Variants in GRIK5 observed in about 807,000 individuals in gnomAD.
The protein encoded by GRIK5 is glutamate receptor ionotropic, kainate 5.
GRIK5 carries 43 observed loss-of-function variants against 97.4 expected under a neutral mutation model. That is an observed-to-expected ratio of 0.44 (90% CI 0.35 to 0.57). GRIK5 has a LOEUF of 0.57. Among genes scored for constraint, GRIK5 ranks in the 20% least tolerant of loss-of-function variants. GRIK5 has a pLI of 0.01. For synonymous variants in GRIK5, 580 were observed against 583.5 expected, an observed-to-expected ratio of 0.99 and a Z score of 0.09; for missense variants, 1,015 against 1,382.0, an observed-to-expected ratio of 0.73 and a Z score of 4.21.
At chr19:42,008,386 G>C (rs2075519727) in intron 15 of GRIK5, among the ~76,000 whole-genome samples, 1 of 152,140 alleles carries the variant, frequency 6.6e-6, no homozygotes, top group Non-Finnish European at 1.5e-5. Context: ...CAGCATTTTA[G>C]GAGGCTGAGG....
intron 12 of GRIK5, among the ~76,000 whole-genome samples, chr19:42,028,423 C>T (rs555241218): frequency 1.3e-5 from 2 of 152,306 alleles, no homozygotes; most frequent in South Asian, 2.1e-4. Context: ...GGGGCGCTAG[C>T]GGGAGGTTGC....
At chr19:42,012,257 T>TG (rs1198110450) in intron 15 of GRIK5, among the ~76,000 whole-genome samples, 20 of 152,014 alleles carry the variant, frequency 1.3e-4, no homozygotes, top group Admixed American at 4.6e-4. Context: ...TATGTATGTA[T>TG]TTATTTATTT....
Position 41,998,760 on chromosome 19 carries a change from G to T in GRIK5, c.*111C>A. 1 of 465,008 alleles carries T rather than the reference G, an allele frequency of 2.2e-6. No individual in the cohort carries two copies. The highest frequency in any genetic ancestry group is 2.9e-6 in the Non-Finnish European group (1 of 342,980). 28.8% of individuals were successfully genotyped at this position (465,008 alleles called of 1,614,324 possible). ...AAGGCAAAATCGCGGCGTCCGGGGC[G>T]CCGGCGCACAAGTCCTGTCCCGCGC... is the stretch of plus-strand genomic sequence containing the variant. On this transcript the variant is annotated 3_prime_UTR_variant, in exon 20 of 20. Transcript: ENST00000593562.
At chr19:42,060,412 T>TA (rs2076243595) in intron 5 of GRIK5, among the ~76,000 whole-genome samples, 2 of 151,990 alleles carry the variant, frequency 1.3e-5, no homozygotes, top group Admixed American at 1.3e-4. Context: ...AGTTCTATGT[T>TA]AAAGCAGAAA....
At position 41,999,004 on chromosome 19, in the gene GRIK5, C is replaced by A; in HGVS notation, c.2810G>T (p.Arg937Leu). 8.3e-7 allele frequency: 1 copy of A among 1,208,854 alleles called. No homozygotes were observed. Among genetic ancestry groups the A allele is most frequent in the Non-Finnish European group, 1.0e-6 (1 of 968,006 alleles). The allele number at this position is 1,208,854 out of a possible 1,614,324, so 74.9% of individuals were successfully genotyped here. A position where few individuals can be genotyped will look rare whatever the true frequency, so the allele number is the denominator to read the frequency against. ...CTHVRVCQEC[R>L]RIQALRASGA... ...CGAGGCCCGCAGCGCCTGGATGCGC[C>A]GGCACTCCTGGCAGACGCGCACGTG... is the stretch of plus-strand genomic sequence containing the variant. Residue 937 changes from arginine to leucine, a missense_variant, in exon 20 of 20, where the codon CGG becomes CTG. Arg to Leu is a moderately radical substitution (Grantham distance 102, BLOSUM62 -2). Coordinates refer to ENST00000593562, the MANE Select transcript of GRIK5 (RefSeq NM_002088.5). This position sits in a 1 kb window ranked among gnomAD's most constrained non-coding sequence, Gnocchi z 5.0.
Position 42,066,032 on chromosome 19 carries a change from A to C in GRIK5, c.-50-212T>G, listed in dbSNP as rs13347017. ...GCTCAGAGGGGCACTACCAGGGTGG[A>C]GGTCACAGTGCTCAGGCGCTGAGTA... On this transcript the variant is annotated intron_variant, in intron 1 of 19. Coordinates refer to ENST00000593562, the MANE Select transcript of GRIK5 (RefSeq NM_002088.5). 5.6e-3 allele frequency among the ~76,000 whole-genome samples: 858 copies of C among 152,254 alleles called. 14 individuals carry two copies. Among genetic ancestry groups the C allele is most frequent in the African/African-American group, 0.02 (818 of 41,520 alleles).
intron 12 of GRIK5, among the ~76,000 whole-genome samples, chr19:42,029,535 G>A (rs921714144): frequency 5.9e-5 from 9 of 151,814 alleles, no homozygotes; most frequent in Admixed American, 2.6e-4. Context: ...CCGAGATCGC[G>A]CCACTGCACT....
At chr19:42,046,646 A>G (rs2076046676) in intron 11 of GRIK5, among the ~76,000 whole-genome samples, 1 of 152,200 alleles carries the variant, frequency 6.6e-6, no homozygotes, top group Admixed American at 6.5e-5. Context: ...AAGGTCTACA[A>G]GATATATTAG....
At position 41,999,336 on chromosome 19, in the gene GRIK5, T is replaced by TCCGCCTC. The variant is rs2075406535; in HGVS notation, c.2515-44_2515-38dup. On this transcript the variant is annotated intron_variant, in intron 19 of 19. Coordinates refer to ENST00000593562, the MANE Select transcript of GRIK5 (RefSeq NM_002088.5). The surrounding 1 kb of genome is among the most constrained non-coding windows in gnomAD (Gnocchi z 5.0). ...GCGGGCGGTCACCGTCCCGGCGCAG[T>TCCGCCTC]CCGCCTCCCGCCTCCCCCAGCCCCT... 2.4e-5 allele frequency: 35 copies of TCCGCCTC among 1,460,258 alleles called. No individual in the cohort carries two copies. In the East Asian group the frequency reaches 9.4e-4, roughly 39 times the overall value. The allele number at this position is 1,460,258 out of a possible 1,614,324, so 90.5% of individuals were successfully genotyped here. A position where few individuals can be genotyped will look rare whatever the true frequency, so the allele number is the denominator to read the frequency against.
intron 12 of GRIK5, among the ~76,000 whole-genome samples, chr19:42,023,660 G>C (rs907690160): frequency 3.3e-5 from 5 of 152,100 alleles, no homozygotes; most frequent in African/African-American, 9.7e-5. Context: ...TCATTCCTGG[G>C]GCCATGCCTC....
At chr19:42,048,179 A>G (rs971566206) in intron 11 of GRIK5, among the ~76,000 whole-genome samples, 1 of 152,158 alleles carries the variant, frequency 6.6e-6, no homozygotes, top group African/African-American at 2.4e-5. Context: ...AAAGGAAAAA[A>G]GCTGATGAAG....
chr19:42,054,240 G>A, intron 9 of GRIK5, 80 bp downstream of exon 9: 1 of 1,460,916 alleles, frequency 6.8e-7, no homozygotes, highest in Non-Finnish European at 9.4e-7. Context: ...AGGGCAGAGG[G>A]CCACAGGGTG....
Position 42,003,709 on chromosome 19 carries a change from C to A in GRIK5, c.2264-26G>T. ...CTGGGCAGGCACACGAGGGGCTGGA[C>A]CAGCCATCGGGCCCTGCAGCCCTGA... On this transcript the variant is annotated intron_variant, in intron 17 of 19. Transcript: ENST00000593562. The surrounding 1 kb of genome is among the most constrained non-coding windows in gnomAD (Gnocchi z 4.2). 1 of 1,589,404 alleles carries A rather than the reference C, an allele frequency of 6.3e-7. No individual in the cohort carries two copies. Among genetic ancestry groups the A allele is most frequent in the South Asian group, 1.2e-5 (1 of 86,244 alleles).
Position 42,042,594 on chromosome 19 carries a change from G to C in GRIK5, c.1431C>G (p.Pro477=). 6.2e-7 allele frequency: 1 copy of C among 1,612,264 alleles called. No individual in the cohort carries two copies. The highest frequency in any genetic ancestry group is 8.5e-7 in the Non-Finnish European group (1 of 1,179,876). ...VEDGLYGAPE[P]NGSWTGMVGE... is the part of the protein sequence containing the mutation. ...CAACCATGCCCGTCCAGGAGCCGTT[G>C]GGCTCGGGCGCCCCGTACAGCCCAT... The change falls in exon 12 of 20, where the codon CCC becomes CCG. Residue 477 remains proline (P), a synonymous_variant. Transcript: ENST00000593562. This position sits in a 1 kb window ranked among gnomAD's most constrained non-coding sequence, Gnocchi z 6.9.
rs1213033377 is a variant in GRIK5, at chr19:42,022,193, G to C, written c.1587+48C>G. 6.6e-7 allele frequency: 1 copy of C among 1,503,990 alleles called. No individual in the cohort carries two copies. The highest frequency in any genetic ancestry group is 9.3e-7 in the Non-Finnish European group (1 of 1,080,880). 93.2% of individuals were successfully genotyped at this position (1,503,990 alleles called of 1,614,324 possible). ...TGTCTGGCTCCCACTCGCAGGCCCTGAGCCTCCATGCCAGGCAAGCAGCCC... is the reference window on the plus strand; with the variant it reads ...TGTCTGGCTCCCACTCGCAGGCCCTCAGCCTCCATGCCAGGCAAGCAGCCC... On this transcript the variant is annotated intron_variant, in intron 13 of 19. Transcript: ENST00000593562. The surrounding 1 kb of genome is among the most constrained non-coding windows in gnomAD (Gnocchi z 4.2).
At chr19:42,013,070 T>A (rs1030567710) in intron 15 of GRIK5, among the ~76,000 whole-genome samples, 4 of 151,652 alleles carry the variant, frequency 2.6e-5, no homozygotes, top group African/African-American at 9.7e-5. Flanking sequence ...AATATTTACT[T>A]AGGGCCAGAG....
intron 15 of GRIK5, among the ~76,000 whole-genome samples, chr19:42,018,688 A>G (rs1385097404): frequency 0.012 from 128 of 10,568 alleles, no homozygotes; most frequent in South Asian, 0.015. Flanking sequence ...GGGGGGGGGG[A>G]GGAAAAGAAA....
intron 12 of GRIK5, among the ~76,000 whole-genome samples, chr19:42,023,082 C>T (rs1304466087): frequency 6.6e-6 from 1 of 151,950 alleles, no homozygotes; most frequent in East Asian, 1.9e-4. Context: ...GTGGCACAGG[C>T]TGAAAACAAA....
chr19:42,022,615 C>A lies in GRIK5; in HGVS notation c.1474-261G>T. The A allele has an allele frequency of 1.0e-6, 1 of 985,124 alleles. No homozygotes were observed. Among genetic ancestry groups the A allele is most frequent in the African/African-American group, 1.7e-5 (1 of 57,254 alleles). The allele number at this position is 985,124 out of a possible 1,614,324, so 61.0% of individuals were successfully genotyped here. On this transcript the variant is annotated intron_variant, in intron 12 of 19. Transcript: ENST00000593562. The surrounding 1 kb of genome is among the most constrained non-coding windows in gnomAD (Gnocchi z 4.2). ...CCCCTAGGCCTCAACTGTGTCCCAGCATCAAGGGCTGGGGATGGAGGGGTT... is the reference window on the plus strand; with the variant it reads ...CCCCTAGGCCTCAACTGTGTCCCAGAATCAAGGGCTGGGGATGGAGGGGTT...
Sources: gnomAD v4.1 joint callset for allele counts (sites outside exome capture counted in the v4.1 genomes callset) on GRCh38, gnomAD v4.1.1 for gene constraint, Gnocchi (gnomAD v3.1) non-coding constraint, MANE v1.5 for transcripts, NCBI Gene and HGNC (gene_info 2026-07-23, HGNC 2026-07-21) for gene names.